The following DNAH3 variants were observed in gnomAD, a reference collection of about 807,000 sequenced individuals.
DNAH3 encodes dynein axonemal heavy chain 3, also known as axonemal beta dynein heavy chain 3.
Under a neutral mutation model 432.5 loss-of-function variants are expected in DNAH3, and 332 were observed. The observed-to-expected ratio is 0.77, with a 90% CI of 0.70 to 0.84. The LOEUF (loss-of-function observed/expected upper bound fraction) is 0.84, where lower values mean the gene tolerates loss of function less well. DNAH3 is among the 40% of genes least tolerant of loss of function. The probability of loss-of-function intolerance (pLI) is 0.00; values close to 1 mark genes in which losing one functional copy is unlikely to be tolerated. For synonymous variants in DNAH3, 1,956 were observed against 1,900.2 expected (o/e 1.03, Z -0.76); for missense variants, 4,861 against 5,114.0 (o/e 0.95, Z 1.51).
At chr16:21,031,598 T>C (rs75226071) in intron 36 of DNAH3, among the ~76,000 whole-genome samples, 6,538 of 147,270 alleles carry the variant, frequency 0.044, 208 homozygotes, top group African/African-American at 0.093. Context: ...TGAAGCCGTC[T>C]CTCAAAAAAA....
chr16:20,936,988 G>A (rs370830984), intron 59 of DNAH3, 135 bp from the exon 60 acceptor site: 30 of 687,134 alleles, frequency 4.4e-5, no homozygotes, highest in East Asian at 1.4e-4. Flanking sequence ...TAAATCACCC[G>A]TTACCTTGCT....
Position 21,155,720 on chromosome 16 carries a change from C to T in DNAH3, c.117+3605G>A, listed in dbSNP as rs13331942. On this transcript the variant is annotated intron_variant, in intron 1 of 61. Coordinates refer to ENST00000261383, the Ensembl canonical transcript of DNAH3. Reference sequence around the variant, plus strand: ...TACTAAAAAGTTACCCATTATTTACCTGAAATTCAGATTTAATTGAGTGTC... The same window carrying T: ...TACTAAAAAGTTACCCATTATTTACTTGAAATTCAGATTTAATTGAGTGTC... Among the ~76,000 whole-genome samples, 884 of 151,636 alleles carry T rather than the reference C, an allele frequency of 5.8e-3. 14 individuals carry two copies. Among genetic ancestry groups the T allele is most frequent in the African/African-American group, 0.02 (845 of 41,332 alleles).
chr16:21,131,039 A>C lies in DNAH3; in HGVS notation c.1082+3220T>G, dbSNP rs374664258. On this transcript the variant is annotated intron_variant, in intron 7 of 61. Transcript: ENST00000261383. ...TATTGTTATGATGATTCCCATTTGC[A>C]TGTAGAACACAGGGTCAGACTAGGC... Among the ~76,000 whole-genome samples the C allele has an allele frequency of 3.0e-4, 46 of 152,284 alleles. 1 individual carries two copies. In the East Asian group the frequency reaches 5.0e-3, roughly 17 times the overall value.
chr16:20,984,057 C>T (rs973911351), intron 48 of DNAH3, among the ~76,000 whole-genome samples: 3 of 139,204 alleles, frequency 2.2e-5, no homozygotes, highest in African/African-American at 5.6e-5. Context: ...ACAGAAAGGG[C>T]GATGGTTTGA....
chr16:20,964,649 C>T, exon 53 of DNAH3: 1 of 1,614,134 alleles, frequency 6.2e-7, no homozygotes, highest in Non-Finnish European at 8.5e-7. Flanking sequence ...ATCATTAAGG[C>T]CCAGCGTCTG....
At chr16:21,027,652 C>A (rs1233714630) in intron 37 of DNAH3, among the ~76,000 whole-genome samples, 1 of 152,086 alleles carries the variant, frequency 6.6e-6, no homozygotes, top group African/African-American at 2.4e-5. Flanking sequence ...CCAGCATGGC[C>A]AACATGGTAA....
chr16:21,072,897 T>C (rs1303946326), intron 21 of DNAH3, among the ~76,000 whole-genome samples: 1 of 151,778 alleles, frequency 6.6e-6, no homozygotes, highest in Non-Finnish European at 1.5e-5. Context: ...TTACCCAGGC[T>C]GTTCTCGAAC....
At chr16:21,149,498 T>C (rs2092826848) in intron 1 of DNAH3, among the ~76,000 whole-genome samples, 1 of 152,184 alleles carries the variant, frequency 6.6e-6, no homozygotes, top group African/African-American at 2.4e-5. Flanking sequence ...ATTACACATG[T>C]TGTATGTATG....
chr16:20,953,839 G>T (rs576065536), intron 55 of DNAH3, among the ~76,000 whole-genome samples: 3 of 151,290 alleles, frequency 2.0e-5, no homozygotes, highest in Non-Finnish European at 1.5e-5. Flanking sequence ...CCACCTTCTC[G>T]CCTCAAGCGA....
intron 28 of DNAH3, among the ~76,000 whole-genome samples, chr16:21,054,150 C>T (rs910436268): frequency 2.0e-5 from 3 of 152,092 alleles, no homozygotes; most frequent in African/African-American, 4.8e-5. Context: ...AATGATTCCA[C>T]GTTGGTGAAG....
chr16:20,997,953 G>A (rs993357982), intron 43 of DNAH3, among the ~76,000 whole-genome samples: 4 of 152,032 alleles, frequency 2.6e-5, no homozygotes, highest in African/African-American at 9.7e-5. Flanking sequence ...GTTGCAGTGA[G>A]CCAAGATTGT....
chr16:20,991,181 T>G (rs2086539644), intron 44 of DNAH3, among the ~76,000 whole-genome samples: 1 of 152,200 alleles, frequency 6.6e-6, no homozygotes, highest in Non-Finnish European at 1.5e-5. Context: ...CTTGCATTTC[T>G]TTATGATTTT....
intron 35 of DNAH3, among the ~76,000 whole-genome samples, chr16:21,034,712 G>C (rs944537652): frequency 3.3e-5 from 5 of 152,188 alleles, no homozygotes; most frequent in Admixed American, 6.5e-5. Flanking sequence ...TAAAGATTAA[G>C]TTCTTATTAT....
chr16:20,944,407 C>A, intron 58 of DNAH3, 89 bp downstream of exon 58: 1 of 1,486,972 alleles, frequency 6.7e-7, no homozygotes, highest in Non-Finnish European at 9.3e-7. Flanking sequence ...CCACTCTCTG[C>A]CTCTTGGTCA....
chr16:21,127,632 G>T, intron 8 of DNAH3, 55 bp downstream of exon 9: 1 of 1,596,274 alleles, frequency 6.3e-7, no homozygotes, highest in Non-Finnish European at 8.5e-7. Context: ...ATTTCAGAGG[G>T]TTTTCAGTCT....
At chr16:21,136,959 C>G (rs1342157484) in intron 5 of DNAH3, among the ~76,000 whole-genome samples, 1 of 151,864 alleles carries the variant, frequency 6.6e-6, no homozygotes, top group Non-Finnish European at 1.5e-5. Flanking sequence ...ATGGTGAAAC[C>G]CCATCTCTAC....
At chr16:21,019,046 A>C (rs2088008006) in intron 41 of DNAH3, 1 of 152,092 alleles carries the variant, frequency 6.6e-6, no homozygotes, top group South Asian at 2.1e-4. Context: ...AATTATAGGT[A>C]ATTTTTGCAA....
At chr16:21,061,815 T>G (rs552722596) in intron 25 of DNAH3, among the ~76,000 whole-genome samples, 1 of 152,252 alleles carries the variant, frequency 6.6e-6, no homozygotes, top group Non-Finnish European at 1.5e-5. Context: ...AATTCAAATA[T>G]GCCCCAAATT....
In DNAH3 at chr16:20,959,402, G is replaced by A. The variant is rs539464494; in HGVS notation, c.10603C>T (p.Leu3535=). The stretch of plus-strand genomic sequence containing the variant: ...CCAAGATCATCAGCAAACTTCAGCA[G>A]GCCTGAGACCAGGAAGAAAGGAGGC... The change falls in exon 54 of 62, where the codon CTG becomes TTG. Residue 3535 remains leucine, a splice_region_variant and synonymous_variant. Coordinates refer to ENST00000261383, the Ensembl canonical transcript of DNAH3. 3.5e-5 allele frequency: 56 copies of A among 1,610,348 alleles called. No individual in the cohort carries two copies. In the African/African-American group the frequency reaches 6.1e-4, roughly 18 times the overall value.
Sources: allele counts gnomAD v4.1 joint callset (sites outside exome capture counted in the v4.1 genomes callset), GRCh38; gene constraint gnomAD v4.1.1; transcripts MANE v1.5; gene names NCBI Gene and HGNC (gene_info 2026-07-23, HGNC 2026-07-21).